The following SETD1B variants were observed in gnomAD, a reference collection of about 807,000 sequenced individuals.
SETD1B encodes the protein histone-lysine N-methyltransferase SETD1B.
A neutral mutation model predicts 148.0 loss-of-function variants in SETD1B; 7 were observed. The ratio of observed to expected loss-of-function variants is 0.05; its 90% CI spans 0.03 to 0.09. The LOEUF is 0.09. Among genes scored for constraint, SETD1B ranks in the 10% least tolerant of loss-of-function variants. The pLI is 1.00. For missense variants in SETD1B, 2,155 were observed against 2,729.9 expected, an observed-to-expected ratio of 0.79 and a Z score of 4.69; for synonymous variants, 1,361 against 1,186.5, an observed-to-expected ratio of 1.15 and a Z score of -3.02.
At chr12:121,812,894 C>A (rs1876106990) in intron 6 of SETD1B, among the ~76,000 whole-genome samples, 1 of 152,244 alleles carries the variant, frequency 6.6e-6, no homozygotes, top group African/African-American at 2.4e-5. Flanking sequence ...AGGCCTTCCT[C>A]ACCTGTAGTC....
Position 121,804,876 on chromosome 12 carries a change from C to G in SETD1B, c.139C>G (p.Leu47Val). 2.6e-6 allele frequency: 4 copies of G among 1,547,126 alleles called. No individual in the cohort carries two copies. The highest frequency in any genetic ancestry group is 3.5e-6 in the Non-Finnish European group (4 of 1,145,334). ...GGCTCTGAAAAAGGGGCATCATAAA[C>G]TGTACCGCTACGATGGGCAGCATTT... ...DPALKKGHHK[L>V]YRYDGQHFSL... Residue 47 changes from leucine to valine, a missense_variant, in exon 2 of 17, where the codon CTG becomes GTG. Physicochemically the swap from Leu to Val is conservative, Grantham distance 32 (BLOSUM62 1). Around this residue, in one of 11 missense-constraint regions of SETD1B, gnomAD observed 124 missense variants for 282.9 expected, o/e 0.44. Coordinates refer to ENST00000604567, the MANE Select transcript of SETD1B (RefSeq NM_001353345.2). The surrounding 1 kb of genome is among the most constrained non-coding windows in gnomAD (Gnocchi z 4.6).
chr12:121,802,530 T>A (rs1248853790), upstream of SETD1B: 1 of 152,144 alleles, frequency 6.6e-6, no homozygotes, highest in African/African-American at 2.4e-5. Context: ...TAGATATATT[T>A]AAAAATTTAT....
the SETD1B span, among the ~76,000 whole-genome samples, chr12:121,796,707 A>C: frequency 6.6e-6 from 1 of 152,236 alleles, no homozygotes; most frequent in Non-Finnish European, 1.5e-5. Context: ...TTGAGTGCTA[A>C]AAGTTCCCGT....
Position 121,817,932 on chromosome 12 carries a change from C to T in SETD1B, c.3418+28C>T. On this transcript the variant is annotated intron_variant, in intron 10 of 16. Transcript: ENST00000604567. The surrounding 1 kb of genome is among the most constrained non-coding windows in gnomAD (Gnocchi z 8.1). ...GAGCAGGGAGGCCGTGGCTGCCTGG[C>T]CCTCCCGGAGTCCCTCTTTCCCCGG... 4 of 1,505,850 alleles carry T rather than the reference C, an allele frequency of 2.7e-6. No homozygotes were observed. The highest frequency in any genetic ancestry group is 1.7e-4 in the Middle Eastern group (1 of 5,778). 93.3% of individuals were successfully genotyped at this position (1,505,850 alleles called of 1,614,324 possible).
chr12:121,823,468 A>T lies in SETD1B; in HGVS notation c.4889A>T (p.Glu1630Val). 6.5e-7 allele frequency: 1 copy of T among 1,550,366 alleles called. No individual in the cohort carries two copies. Among genetic ancestry groups the T allele is most frequent in the East Asian group, 2.4e-5 (1 of 40,882 alleles). ...CCCCGTGGGCGCGATGAGGTCACTG[A>T]GGAATACATGGAGTTGGCCAAGAGC... Reference protein sequence around the residue: ...PGPRGRDEVTEEYMELAKSRG... With the variant: ...PGPRGRDEVTVEYMELAKSRG... The change falls in exon 12 of 17, where the codon GAG becomes GTG. Residue 1630 changes from glutamate (E) to valine (V), a missense_variant. Glu to Val is a moderately radical substitution (Grantham distance 121, BLOSUM62 -2). Around this residue, in one of 11 missense-constraint regions of SETD1B, gnomAD observed 862 missense variants for 873.8 expected, o/e 0.99. Transcript: ENST00000604567.
rs747779324 is a variant in SETD1B, at chr12:121,819,509, C to T, written c.3524C>T (p.Ser1175Leu). 12 of 1,552,104 alleles carry T rather than the reference C, an allele frequency of 7.7e-6. No homozygotes were observed. Among genetic ancestry groups the T allele is most frequent in the African/African-American group, 4.1e-5 (3 of 73,006 alleles). Reference protein sequence around the residue: ...ESSSESSPSSSEDEEEVVARE... With the variant: ...ESSSESSPSSLEDEEEVVARE... The stretch of plus-strand genomic sequence containing the variant: ...AGCTCCGAGTCCTCGCCCTCATCCT[C>T]GGAGGATGAGGAGGAGGTAGTGGCC... The change falls in exon 11 of 17, where the codon TCG becomes TTG. Residue 1175 changes from serine to leucine, a missense_variant. Physicochemically the swap from Ser to Leu is moderately radical, Grantham distance 145 (BLOSUM62 -2). Coordinates refer to ENST00000604567, the MANE Select transcript of SETD1B (RefSeq NM_001353345.2).
At position 121,822,607 on chromosome 12, in the gene SETD1B, C is replaced by A. The variant is rs879215010; in HGVS notation, c.4028C>A (p.Thr1343Lys). 9.0e-6 allele frequency: 14 copies of A among 1,551,316 alleles called. No homozygotes were observed. The highest frequency in any genetic ancestry group is 1.7e-4 in the Middle Eastern group (1 of 6,012). Residue 1343 changes from threonine (T) to lysine (K), a missense_variant, in exon 12 of 17, where the codon ACA (threonine) becomes AAA (lysine). By Grantham distance (78) the Thr-to-Lys change is moderately conservative. Around this residue, in one of 11 missense-constraint regions of SETD1B, gnomAD observed 862 missense variants for 873.8 expected, o/e 0.99. Coordinates refer to ENST00000604567, the MANE Select transcript of SETD1B (RefSeq NM_001353345.2). Reference protein sequence around the residue: ...PPSPPPEPETTDASHPSVPPE... With the variant: ...PPSPPPEPETKDASHPSVPPE... ...AGCCCACCGCCGGAGCCTGAGACCA[C>A]AGATGCCTCACACCCATCTGTCCCT...
intron 10 of SETD1B, among the ~76,000 whole-genome samples, chr12:121,819,196 A>G (rs1004294485): frequency 2.6e-5 from 4 of 152,328 alleles, no homozygotes; most frequent in Admixed American, 6.5e-5. Flanking sequence ...GTGAGCCGAG[A>G]TCGTGCCACT....
rs930947081 is a variant in SETD1B at position 121,805,562 on chromosome 12, G to C, written c.274-273G>C. ...CAGCAGGAAGAGAAGGCCAGAAAGGGGGGTGGGGAAAGAGAAACTGTTTCT... is the reference window on the plus strand; with the variant it reads ...CAGCAGGAAGAGAAGGCCAGAAAGGCGGGTGGGGAAAGAGAAACTGTTTCT... On this transcript the variant is annotated intron_variant, in intron 3 of 16. Transcript: ENST00000604567. This position sits in a 1 kb window ranked among gnomAD's most constrained non-coding sequence, Gnocchi z 4.2. Among the ~76,000 whole-genome samples the C allele has an allele frequency of 1.3e-5, 2 of 152,158 alleles. No individual in the cohort carries two copies. The highest frequency in any genetic ancestry group is 1.9e-4 in the East Asian group (1 of 5,196).
chr12:121,817,648 G>A lies in SETD1B; in HGVS notation c.3256G>A (p.Glu1086Lys). Residue 1086 changes from glutamate (E) to lysine (K), a missense_variant, in exon 9 of 17, where the codon GAG becomes AAG. Around this residue, in one of 11 missense-constraint regions of SETD1B, gnomAD observed 862 missense variants for 873.8 expected, o/e 0.99. Coordinates refer to ENST00000604567, the MANE Select transcript of SETD1B (RefSeq NM_001353345.2). The surrounding 1 kb of genome is among the most constrained non-coding windows in gnomAD (Gnocchi z 8.1). The part of the protein sequence containing the change: ...EEEEAEEEEE[E>K]EVPRSQLSSS... ...AGAGGAGGCGGAGGAGGAGGAGGAGGAGGAAGTCCCCAGGAGCCAGCTCTC... is the reference window on the plus strand; with the variant it reads ...AGAGGAGGCGGAGGAGGAGGAGGAGAAGGAAGTCCCCAGGAGCCAGCTCTC... The A allele has an allele frequency of 6.4e-7, 1 of 1,551,202 alleles. No homozygotes were observed. Among genetic ancestry groups the A allele is most frequent in the Non-Finnish European group, 8.7e-7 (1 of 1,146,896 alleles).
upstream of SETD1B, chr12:121,799,717 T>TGGGGGGGGGGGGGGGGGGGGG (rs1456064145): frequency 5.2e-4 from 10 of 19,136 alleles, no homozygotes; most frequent in Admixed American, 1.2e-3. Flanking sequence ...CGCTCGCAGC[T>TGGGGGGGGGGGGGGGGGGGGG]GGGGGGGGGG....
Position 121,814,660 on chromosome 12 carries a change from G to A in SETD1B, c.2445G>A (p.Pro815=), listed in dbSNP as rs554558219. The A allele has an allele frequency of 3.2e-5, 49 of 1,548,638 alleles. 1 individual carries two copies. Among genetic ancestry groups the A allele is most frequent in the South Asian group, 2.5e-4 (21 of 84,016 alleles). The change falls in exon 7 of 17, where the codon CCG becomes CCA. Residue 815 remains proline, a synonymous_variant. Coordinates refer to ENST00000604567, the MANE Select transcript of SETD1B (RefSeq NM_001353345.2). ...CTGGGCTCCAGTTTGTCAACCTGCC[G>A]CCCTACCGGGGCCCCTTCTCCCTGA... ...ASAGLQFVNL[P]PYRGPFSLSN...
At chr12:121,829,609 T>G (rs1876998559) in intron 16 of SETD1B, among the ~76,000 whole-genome samples, 1 of 152,240 alleles carries the variant, frequency 6.6e-6, no homozygotes, top group African/African-American at 2.4e-5. Context: ...TGTTTTTGGC[T>G]TGGTGGCTCA....
the SETD1B span, among the ~76,000 whole-genome samples, chr12:121,790,452 G>A: frequency 6.6e-6 from 1 of 152,230 alleles, no homozygotes; most frequent in African/African-American, 2.4e-5. Context: ...TCTCCTGAGA[G>A]CCGTCCACCT....
the SETD1B span, among the ~76,000 whole-genome samples, chr12:121,791,878 C>T: frequency 3.9e-5 from 6 of 152,300 alleles, no homozygotes; most frequent in Non-Finnish European, 7.3e-5. Context: ...AATGACCTTG[C>T]CCCTCCCTGG....
At chr12:121,816,531 T>C (rs1187005588) in intron 7 of SETD1B, among the ~76,000 whole-genome samples, 1 of 152,246 alleles carries the variant, frequency 6.6e-6, no homozygotes, top group Admixed American at 6.5e-5. Flanking sequence ...CCAGGCCTCA[T>C]GTGCCCTGCA....
At position 121,827,989 on chromosome 12, in the gene SETD1B, C is replaced by T. The variant is rs1298862596; in HGVS notation, c.5646C>T (p.Tyr1882=). The T allele has an allele frequency of 3.9e-6, 6 of 1,552,118 alleles. No homozygotes were observed. Among genetic ancestry groups the T allele is most frequent in the Non-Finnish European group, 5.2e-6 (6 of 1,147,110 alleles). The change falls in exon 16 of 17, where the codon TAC becomes TAT. Residue 1882 remains tyrosine, a synonymous_variant. Transcript: ENST00000604567. ...AGGACGAGGGCATCGGGAGCAGCTA[C>T]ATGTTCCGGGTGGACCATGACACCA... ...RYEDEGIGSS[Y]MFRVDHDTII...
In SETD1B at chr12:121,805,802, C is replaced by T; in HGVS notation, c.274-33C>T. The T allele has an allele frequency of 1.9e-6, 3 of 1,539,100 alleles. No individual in the cohort carries two copies. Among genetic ancestry groups the T allele is most frequent in the Non-Finnish European group, 2.6e-6 (3 of 1,139,528 alleles). On this transcript the variant is annotated intron_variant, in intron 3 of 16. Coordinates refer to ENST00000604567, the MANE Select transcript of SETD1B (RefSeq NM_001353345.2). This position sits in a 1 kb window ranked among gnomAD's most constrained non-coding sequence, Gnocchi z 4.2. ...GTGTTTTCCCTTAGGTTTAAACGTT[C>T]TTCAAACTCCCTTCCCCCTCGGCCC... is the stretch of plus-strand genomic sequence containing the variant.
intron 13 of SETD1B, 72 bp downstream of exon 13, chr12:121,825,438 G>T (rs927690661): frequency 2.3e-5 from 34 of 1,450,496 alleles, no homozygotes; most frequent in Non-Finnish European, 3.0e-5. Context: ...ACTCATGGAG[G>T]GGTGCCAGGC....
Sources: allele counts gnomAD v4.1 joint callset (sites outside exome capture counted in the v4.1 genomes callset), GRCh38; gene constraint gnomAD v4.1.1; regional missense constraint gnomAD v4.1.1; non-coding constraint Gnocchi (gnomAD v3.1); transcripts MANE v1.5; gene names NCBI Gene and HGNC (gene_info 2026-07-23, HGNC 2026-07-21).